The following GTF2F2 variants were observed in gnomAD, a reference collection of about 807,000 sequenced individuals.
The protein encoded by GTF2F2 is general transcription factor IIF subunit 2.
In GTF2F2, 23 loss-of-function variants were observed where a neutral mutation model predicts 42.2. The observed-to-expected ratio is 0.55, with a 90% confidence interval of 0.39 to 0.77. The LOEUF (loss-of-function observed/expected upper bound fraction) is 0.77, where lower values mean the gene tolerates loss of function less well. GTF2F2 is among the 30% of genes least tolerant of loss of function. The pLI is 0.00. For missense variants in GTF2F2, 261 were observed against 287.2 expected (o/e 0.91, Z 0.66); for synonymous variants, 105 against 100.8 (o/e 1.04, Z -0.25).
intron 1 of GTF2F2, among the ~76,000 whole-genome samples, chr13:45,121,408 A>G (rs540722340): frequency 4.6e-5 from 7 of 152,350 alleles, no homozygotes; most frequent in African/African-American, 1.7e-4. Context: ...ACTTAAGCAT[A>G]TTCAAAATGT....
chr13:45,202,985 A>G (rs573845885), intron 4 of GTF2F2, among the ~76,000 whole-genome samples: 2 of 152,262 alleles, frequency 1.3e-5, no homozygotes, highest in South Asian at 4.1e-4. Flanking sequence ...AATAAAATAA[A>G]TGTACATTTA....
At chr13:45,120,978 A>G (rs943557462) in intron 1 of GTF2F2, among the ~76,000 whole-genome samples, 1 of 152,120 alleles carries the variant, frequency 6.6e-6, no homozygotes, top group African/African-American at 2.4e-5. Context: ...CTTTCCTGGA[A>G]TCTTGTCTTG....
chr13:45,150,062 G>A (rs949533752), intron 3 of GTF2F2, among the ~76,000 whole-genome samples: 11 of 152,152 alleles, frequency 7.2e-5, no homozygotes, highest in Admixed American at 3.9e-4. Flanking sequence ...TAATACGTTA[G>A]TATTACTTCA....
chr13:45,174,642 T>C lies in GTF2F2; in HGVS notation c.304+22811T>C, dbSNP rs184849398. The stretch of plus-strand genomic sequence containing the variant: ...GCACTGTTTTCTTTTTTCTTTTTTT[T>C]TTTTTTTTTTTTTAGAAATAATAGT... On this transcript the variant is annotated intron_variant, in intron 4 of 7. Transcript: ENST00000340473. Among the ~76,000 whole-genome samples, 929 of 149,238 alleles carry C rather than the reference T, an allele frequency of 6.2e-3. 36 individuals are homozygous for C. Among genetic ancestry groups the C allele is most frequent in the Admixed American group, 0.054 (819 of 15,050 alleles).
chr13:45,268,445 A>C (rs1354352675), intron 7 of GTF2F2, among the ~76,000 whole-genome samples: 1 of 152,100 alleles, frequency 6.6e-6, no homozygotes, highest in South Asian at 2.1e-4. Context: ...TTATACATCA[A>C]CCCTTGCCTT....
intron 4 of GTF2F2, among the ~76,000 whole-genome samples, chr13:45,176,807 G>A (rs1365353003): frequency 6.6e-6 from 1 of 150,936 alleles, no homozygotes; most frequent in African/African-American, 2.4e-5. Context: ...TTTTTTTTGG[G>A]GGGGACGGTC....
rs188155030 is a variant in GTF2F2 at position 45,190,423 on chromosome 13, T to C, written c.305-17001T>C. Among the ~76,000 whole-genome samples, 405 of 152,280 alleles carry C rather than the reference T, an allele frequency of 2.7e-3. 3 individuals are homozygous for C. The highest frequency in any genetic ancestry group is 0.014 in the Middle Eastern group (4 of 294). ...TGCCTGTTTTCTGCCACGTTCTAGG[T>C]GTTAGGGATATAAGTGGCTTGCAAA... On this transcript the variant is annotated intron_variant, in intron 4 of 7. Transcript: ENST00000340473.
intron 5 of GTF2F2, among the ~76,000 whole-genome samples, chr13:45,249,000 G>A (rs796416435): frequency 7.2e-5 from 11 of 152,222 alleles, no homozygotes; most frequent in African/African-American, 2.2e-4. Context: ...AATATGTGGT[G>A]CTTTACGAAC....
intron 7 of GTF2F2, among the ~76,000 whole-genome samples, chr13:45,274,621 G>A (rs868359701): frequency 1.7e-4 from 26 of 151,954 alleles, no homozygotes; most frequent in African/African-American, 6.0e-4. Flanking sequence ...GAGCCACCAC[G>A]CCCGACCAAA....
rs564915989 is a variant in GTF2F2, at chr13:45,133,904, G to A, written c.67-2829G>A. ...GCTGGGTCTGAGTGCACTCATTAAA[G>A]ATATCCTCCTGTATACACCCCATGG... On this transcript the variant is annotated intron_variant, in intron 1 of 7. Coordinates refer to ENST00000340473, the MANE Select transcript of GTF2F2 (RefSeq NM_004128.3). Among the ~76,000 whole-genome samples, 18 of 152,242 alleles carry A rather than the reference G, an allele frequency of 1.2e-4. No homozygotes were observed. In the South Asian group the frequency reaches 3.5e-3, roughly 30 times the overall value.
At chr13:45,206,525 CCT>C (rs1166197597) in intron 4 of GTF2F2, 1 of 152,124 alleles carries the variant, frequency 6.6e-6, no homozygotes, top group Non-Finnish European at 1.5e-5. Context: ...CAGGGAATTT[CCT>C]GAGTCTTTTC....
intron 7 of GTF2F2, among the ~76,000 whole-genome samples, chr13:45,279,115 A>G (rs1443205296): frequency 6.6e-6 from 1 of 151,960 alleles, no homozygotes; most frequent in Non-Finnish European, 1.5e-5. Context: ...GAGCCATCAC[A>G]CCCGGCGTAA....
intron 5 of GTF2F2, among the ~76,000 whole-genome samples, chr13:45,229,945 G>A (rs1874587687): frequency 6.6e-6 from 1 of 152,052 alleles, no homozygotes; most frequent in Non-Finnish European, 1.5e-5. Flanking sequence ...GCCTGGTGCG[G>A]TGACTCACAC....
chr13:45,151,147 G>A (rs1314721042), intron 3 of GTF2F2, among the ~76,000 whole-genome samples: 1 of 151,962 alleles, frequency 6.6e-6, no homozygotes, highest in Admixed American at 6.6e-5. Flanking sequence ...TCTTTTTGGA[G>A]TCCCCAATGT....
chr13:45,250,051 CTT>C (rs780347641), intron 5 of GTF2F2, among the ~76,000 whole-genome samples: 5,444 of 100,596 alleles, frequency 0.054, 120 homozygotes, highest in African/African-American at 0.21. Flanking sequence ...TGCCTTATCT[CTT>C]TTTTTTTTTT....
intron 1 of GTF2F2, among the ~76,000 whole-genome samples, chr13:45,134,978 G>A (rs1369495333): frequency 6.7e-6 from 1 of 149,098 alleles, no homozygotes; most frequent in Non-Finnish European, 1.5e-5. Flanking sequence ...TTTGACACAA[G>A]AGTCTCTCTC....
intron 4 of GTF2F2, among the ~76,000 whole-genome samples, chr13:45,177,863 G>A (rs1871960616): frequency 6.6e-6 from 1 of 152,162 alleles, no homozygotes; most frequent in Non-Finnish European, 1.5e-5. Context: ...TAGTTTTATT[G>A]CTGAAAGAGT....
chr13:45,160,123 T>C (rs1870963855), intron 4 of GTF2F2, among the ~76,000 whole-genome samples: 1 of 152,210 alleles, frequency 6.6e-6, no homozygotes, highest in South Asian at 2.1e-4. Flanking sequence ...TTATACATTA[T>C]GTGCTAACAT....
chr13:45,202,908 GCAC>G (rs1022109638), intron 4 of GTF2F2, among the ~76,000 whole-genome samples: 18 of 152,142 alleles, frequency 1.2e-4, no homozygotes, highest in African/African-American at 4.1e-4. Flanking sequence ...AGTTGAGATT[GCAC>G]CACTGTACTC....
Sources: gnomAD v4.1 joint callset for allele counts (sites outside exome capture counted in the v4.1 genomes callset) on GRCh38, gnomAD v4.1.1 for gene constraint, MANE v1.5 for transcripts, NCBI Gene and HGNC (gene_info 2026-07-23, HGNC 2026-07-21) for gene names.